The following ILDR1 variants were observed in gnomAD, a reference collection of about 807,000 sequenced individuals.
The protein encoded by ILDR1 is immunoglobulin like domain containing receptor 1.
ILDR1 carries 56 observed loss-of-function variants against 62.4 expected under a neutral mutation model. The ratio of observed to expected loss-of-function variants is 0.90; its 90% confidence interval spans 0.72 to 1.12. The LOEUF (loss-of-function observed/expected upper bound fraction) is 1.12, where lower values mean the gene tolerates loss of function less well. ILDR1 is among the 50% of genes most tolerant of loss of function. The pLI, the probability that ILDR1 is intolerant of heterozygous loss-of-function variation, is 0.00. For synonymous variants in ILDR1, 284 were observed against 277.8 expected (o/e 1.02, Z -0.22); for missense variants, 736 against 710.6 (o/e 1.04, Z -0.41).
At chr3:122,001,035 C>A (rs2071516846) in intron 5 of ILDR1, among the ~76,000 whole-genome samples, 1 of 152,338 alleles carries the variant, frequency 6.6e-6, no homozygotes, top group South Asian at 2.1e-4. Context: ...ACAGGTACAT[C>A]AGGGCTGCAG....
At chr3:121,994,141 C>T (rs759182310) in intron 6 of ILDR1, 41 bp downstream of exon 6, 163 of 1,532,430 alleles carry the variant, frequency 1.1e-4, no homozygotes, top group Admixed American at 4.3e-4. Context: ...CCCGCCCTTG[C>T]CCTCTGCCCT....
intron 5 of ILDR1, among the ~76,000 whole-genome samples, chr3:121,998,796 T>C (rs958823593): frequency 2.0e-5 from 3 of 152,164 alleles, no homozygotes; most frequent in African/African-American, 7.2e-5. Flanking sequence ...TGCTGCATCC[T>C]CCACGACTTT....
At chr3:122,030,615 A>G in the ILDR1 span, among the ~76,000 whole-genome samples, 3 of 132,254 alleles carry the variant, frequency 2.3e-5, no homozygotes, top group East Asian at 6.3e-4. Flanking sequence ...ACAAAGAGGC[A>G]AGGGTTTTTC....
intron 5 of ILDR1, among the ~76,000 whole-genome samples, chr3:121,996,940 A>G (rs568379793): frequency 1.3e-5 from 2 of 152,154 alleles, no homozygotes; most frequent in East Asian, 3.9e-4. Context: ...TCGCTATGTC[A>G]CCCAGGCTGG....
upstream of ILDR1, among the ~76,000 whole-genome samples, chr3:122,023,666 T>C (rs963628300): frequency 6.6e-6 from 1 of 152,198 alleles, no homozygotes; most frequent in Non-Finnish European, 1.5e-5. Context: ...CTCCTGGATC[T>C]GACTTCTCTT....
chr3:122,015,717 G>A (rs1218293568), intron 1 of ILDR1, among the ~76,000 whole-genome samples: 2 of 152,144 alleles, frequency 1.3e-5, no homozygotes, highest in South Asian at 2.1e-4. Flanking sequence ...TATAAATTAT[G>A]CAATCTCAGG....
intron 1 of ILDR1, among the ~76,000 whole-genome samples, chr3:122,011,532 T>C (rs1458092863): frequency 2.0e-5 from 3 of 152,038 alleles, no homozygotes; most frequent in Non-Finnish European, 4.4e-5. Context: ...AGCCTTGATA[T>C]CTGCCAGGTT....
At chr3:122,015,813 C>G (rs1247678539) in intron 1 of ILDR1, among the ~76,000 whole-genome samples, 1 of 150,858 alleles carries the variant, frequency 6.6e-6, no homozygotes, top group Non-Finnish European at 1.5e-5. Flanking sequence ...TTTCCAGAAT[C>G]TCTCTCTCTC....
the ILDR1 span, among the ~76,000 whole-genome samples, chr3:122,034,773 A>G: frequency 6.6e-6 from 1 of 152,220 alleles, no homozygotes; most frequent in Non-Finnish European, 1.5e-5. Context: ...ATGGCTAGGG[A>G]AGCCTCACAA....
the ILDR1 span, among the ~76,000 whole-genome samples, chr3:122,049,240 T>C: frequency 6.6e-6 from 1 of 152,204 alleles, no homozygotes; most frequent in Non-Finnish European, 1.5e-5. Flanking sequence ...TTGGAAAAGG[T>C]ACTTGGTATT....
At chr3:122,005,210 C>CCCCCCATTT in intron 3 of ILDR1, 34 bp downstream of exon 3, 1 of 1,198,858 alleles carries the variant, frequency 8.3e-7, no homozygotes, top group Admixed American at 1.8e-5. Flanking sequence ...CCTCCCCCCA[C>CCCCCCATTT]CCCCAGTTCC....
chr3:122,044,564 G>C, the ILDR1 span, among the ~76,000 whole-genome samples: 248 of 151,278 alleles, frequency 1.6e-3, no homozygotes, highest in Non-Finnish European at 3.0e-3. Flanking sequence ...TTTTTGGTTG[G>C]TAAACTATTG....
At position 122,008,918 on chromosome 3, in the gene ILDR1, T is replaced by C. The variant is rs1172803246; in HGVS notation, c.59-1757A>G. Among the ~76,000 whole-genome samples, 20 of 149,196 alleles carry C rather than the reference T, an allele frequency of 1.3e-4. No homozygotes were observed. In the East Asian group the frequency reaches 1.8e-3, roughly 14 times the overall value. ...TGAGCCACTGCACCTGGCCTTCTTT[T>C]TTTCTTTCTTTCTTTCTTTTTTTCT... On this transcript the variant is annotated intron_variant, in intron 1 of 7. Coordinates refer to ENST00000344209, the MANE Select transcript of ILDR1 (RefSeq NM_001199799.2).
In ILDR1 at chr3:122,001,440, T is replaced by A. The variant is rs2071523728; in HGVS notation, c.514A>T (p.Ile172Phe). The A allele has an allele frequency of 2.5e-6, 4 of 1,613,978 alleles. No individual in the cohort carries two copies. The highest frequency in any genetic ancestry group is 2.5e-6 in the Non-Finnish European group (3 of 1,180,014). ...AGGAGGGCTCCCAGGATGATGAAGATCACTGTCAGCCAGTCTGCAGGGGAG... is the reference window on the plus strand; with the variant it reads ...AGGAGGGCTCCCAGGATGATGAAGAACACTGTCAGCCAGTCTGCAGGGGAG... Reference protein sequence around the residue: ...KLIVLHWLTVIFIILGALLLL... With the variant: ...KLIVLHWLTVFFIILGALLLL... The change falls in exon 5 of 8, where the codon ATC becomes TTC. Residue 172 changes from isoleucine (I) to phenylalanine (F), a missense_variant. Coordinates refer to ENST00000344209, the MANE Select transcript of ILDR1 (RefSeq NM_001199799.2).
the ILDR1 span, chr3:122,055,478 G>A: frequency 1.2e-6 from 2 of 1,613,814 alleles, no homozygotes; most frequent in Admixed American, 1.7e-5. Flanking sequence ...GGTCACAGCA[G>A]AAGCAGCCAA....
chr3:121,994,456 AG>A (rs2071408462), intron 5 of ILDR1, 143 bp from the exon 6 acceptor site: 1 of 936,926 alleles, frequency 1.1e-6, no homozygotes, highest in Non-Finnish European at 1.5e-6. Flanking sequence ...GTAAGGGTTA[AG>A]GGGGTAGTAA....
chr3:122,030,172 T>C, the ILDR1 span, among the ~76,000 whole-genome samples: 1 of 152,132 alleles, frequency 6.6e-6, no homozygotes, highest in African/African-American at 2.4e-5. Flanking sequence ...AGCCTAAGAA[T>C]CTAATTCTTT....
At chr3:122,029,336 G>A in the ILDR1 span, among the ~76,000 whole-genome samples, 11 of 151,730 alleles carry the variant, frequency 7.2e-5, no homozygotes, top group South Asian at 2.1e-4. Context: ...GTGAAACCCC[G>A]TTTCTACTAA....
chr3:122,027,892 C>A, the ILDR1 span, among the ~76,000 whole-genome samples: 2 of 152,136 alleles, frequency 1.3e-5, no homozygotes, highest in Non-Finnish European at 2.9e-5. Context: ...TAGGTGATAA[C>A]CTTGACTCGC....
Sources: allele counts gnomAD v4.1 joint callset (sites outside exome capture counted in the v4.1 genomes callset), GRCh38; gene constraint gnomAD v4.1.1; transcripts MANE v1.5; gene names NCBI Gene and HGNC (gene_info 2026-07-23, HGNC 2026-07-21).